The following UBE2Z variants were observed in gnomAD, a reference collection of about 807,000 sequenced individuals.
The protein encoded by UBE2Z is ubiquitin-conjugating enzyme E2 Z.
A neutral mutation model predicts 32.6 loss-of-function variants in UBE2Z; 10 were observed. That is an observed-to-expected ratio of 0.31 (90% CI 0.19 to 0.52). The LOEUF is 0.52. Among genes scored for constraint, UBE2Z ranks in the 20% least tolerant of loss-of-function variants. The probability of loss-of-function intolerance (pLI) is 0.97; values close to 1 mark genes in which losing one functional copy is unlikely to be tolerated. For synonymous variants in UBE2Z, 183 were observed against 190.8 expected, an observed-to-expected ratio of 0.96 and a Z score of 0.34; for missense variants, 343 against 480.9, an observed-to-expected ratio of 0.71 and a Z score of 2.68.
In UBE2Z at chr17:48,908,817, A is replaced by G; in HGVS notation, c.314A>G (p.Lys105Arg). The change falls in exon 1 of 7, where the codon AAG becomes AGG. Residue 105 changes from lysine (K) to arginine (R), a missense_variant. Physicochemically the swap from Lys to Arg is conservative, Grantham distance 26. This residue lies in a region of UBE2Z where 55 missense variants were observed against 56.2 expected (regional missense o/e 0.98). Coordinates refer to ENST00000360943, the MANE Select transcript of UBE2Z (RefSeq NM_023079.5). ...RTAPQCLLRI[K>R]RDIMSIYKEP... ...GCGCCGCAGTGTCTACTCCGGATCA[A>G]GCGGTGAGCCGGGGTTTTTCCTCCC... 6.7e-7 allele frequency: 1 copy of G among 1,496,062 alleles called. No homozygotes were observed. Among genetic ancestry groups the G allele is most frequent in the Non-Finnish European group, 8.9e-7 (1 of 1,127,028 alleles). 92.7% of individuals were successfully genotyped at this position (1,496,062 alleles called of 1,614,324 possible). A position where few individuals can be genotyped will look rare whatever the true frequency, so the allele number is the denominator to read the frequency against.
intron 6 of UBE2Z, among the ~76,000 whole-genome samples, chr17:48,926,474 CTTTTTT>C (rs35895407): frequency 1.0e-4 from 14 of 137,188 alleles, no homozygotes; most frequent in Non-Finnish European, 9.3e-5. Context: ...GTAAGAGTGT[CTTTTTT>C]TTTTTTTTTT....
intron 6 of UBE2Z, among the ~76,000 whole-genome samples, chr17:48,924,916 G>A (rs2040787636): frequency 6.6e-6 from 1 of 150,788 alleles, no homozygotes; most frequent in Admixed American, 6.6e-5. Context: ...GTAAGAGAAT[G>A]AGAATTCTCC....
chr17:48,922,856 G>T lies in UBE2Z; in HGVS notation c.813G>T (p.Met271Ile). 2 of 1,611,550 alleles carry T rather than the reference G, an allele frequency of 1.2e-6. No individual in the cohort carries two copies. The highest frequency in any genetic ancestry group is 1.7e-6 in the Non-Finnish European group (2 of 1,178,164). Reference sequence around the variant, plus strand: ...TCTGCTTGTTTTCCAGAGGGGTGATGGAGAAGTCCTTTCTGGAGTATTACG... The same window carrying T: ...TCTGCTTGTTTTCCAGAGGGGTGATTGAGAAGTCCTTTCTGGAGTATTACG... ...CPCPEPLRGV[M>I]EKSFLEYYDF... is the part of the protein sequence containing the mutation. Residue 271 changes from methionine to isoleucine, a missense_variant, in exon 6 of 7, where the codon ATG becomes ATT. This residue lies in a region of UBE2Z where 182 missense variants were observed against 312.4 expected (regional missense o/e 0.58). Coordinates refer to ENST00000360943, the MANE Select transcript of UBE2Z (RefSeq NM_023079.5).
chr17:48,911,534 T>G (rs2040677316), intron 2 of UBE2Z: 1 of 152,260 alleles, frequency 6.6e-6, no homozygotes, highest in Non-Finnish European at 1.5e-5. Context: ...TAGAAAGAAA[T>G]CATATTTCCT....
rs1216010869 is a variant in UBE2Z at position 48,908,752 on chromosome 17, G to T, written c.249G>T (p.Trp83Cys). The T allele has an allele frequency of 6.7e-7, 1 of 1,497,728 alleles. No individual in the cohort carries two copies. The highest frequency in any genetic ancestry group is 8.9e-7 in the Non-Finnish European group (1 of 1,128,104). 92.8% of individuals were successfully genotyped at this position (1,497,728 alleles called of 1,614,324 possible). ...AAHGAALLSH[W>C]DPTLSSDWDG... is the part of the protein sequence containing the mutation. ...ACGGGGCCGCGCTGCTTAGCCACTG[G>T]GACCCCACGCTCAGCTCCGACTGGG... is the stretch of plus-strand genomic sequence containing the variant. The change falls in exon 1 of 7, where the codon TGG becomes TGT. Residue 83 changes from tryptophan to cysteine, a missense_variant. Physicochemically the swap from Trp to Cys is radical, Grantham distance 215. Transcript: ENST00000360943.
rs368785754 is a variant in UBE2Z, at chr17:48,920,395, C to T, written c.691-765C>T. Among the ~76,000 whole-genome samples, 9 of 152,172 alleles carry T rather than the reference C, an allele frequency of 5.9e-5. No homozygotes were observed. In the East Asian group the frequency reaches 1.7e-3, roughly 30 times the overall value. ...CCTGTAATCCCAGCTACTTGGAAGGCTTGAGACAGGAGAATCGCTTGAACC... is the reference window on the plus strand; with the variant it reads ...CCTGTAATCCCAGCTACTTGGAAGGTTTGAGACAGGAGAATCGCTTGAACC... On this transcript the variant is annotated intron_variant, in intron 4 of 6. Transcript: ENST00000360943.
intron 6 of UBE2Z, among the ~76,000 whole-genome samples, chr17:48,924,559 T>C (rs993291100): frequency 2.0e-5 from 3 of 149,444 alleles, no homozygotes; most frequent in African/African-American, 7.4e-5. Context: ...AAATTGTAGA[T>C]AGACAGCCAG....
intron 5 of UBE2Z, among the ~76,000 whole-genome samples, chr17:48,922,358 G>A (rs770486120): frequency 6.6e-5 from 10 of 151,880 alleles, no homozygotes; most frequent in Admixed American, 3.3e-4. Flanking sequence ...CTGTATTCCA[G>A]CCTGGGCAAA....
intron 4 of UBE2Z, among the ~76,000 whole-genome samples, chr17:48,920,292 C>T (rs1362781966): frequency 1.3e-5 from 2 of 152,014 alleles, no homozygotes; most frequent in African/African-American, 2.4e-5. Context: ...GTCAGGCGTT[C>T]AGGACCAGCC....
chr17:48,919,746 G>A (rs950496081), intron 4 of UBE2Z, among the ~76,000 whole-genome samples: 4 of 152,172 alleles, frequency 2.6e-5, no homozygotes, highest in Non-Finnish European at 4.4e-5. Context: ...CCAAAGTGTC[G>A]GGAGTACAGG....
chr17:48,917,885 G>A lies in UBE2Z; in HGVS notation c.690+1698G>A, dbSNP rs1444070766. On this transcript the variant is annotated intron_variant, in intron 4 of 6. Coordinates refer to ENST00000360943, the MANE Select transcript of UBE2Z (RefSeq NM_023079.5). Reference sequence around the variant, plus strand: ...CTCATGAGCACGGGAAAAAGTTCCAGTGATAGTCCCAAAAGAAAATGATTC... The same window carrying A: ...CTCATGAGCACGGGAAAAAGTTCCAATGATAGTCCCAAAAGAAAATGATTC... Among the ~76,000 whole-genome samples the A allele has an allele frequency of 2.6e-5, 4 of 152,288 alleles. No homozygotes were observed. The East Asian group carries it at 5.8e-4, about 22-fold the overall frequency.
chr17:48,913,138 CTCT>C lies in UBE2Z; in HGVS notation c.578+121_578+123del, dbSNP rs1223284760. The stretch of plus-strand genomic sequence containing the variant: ...CAGAACACAGAAAATGATTGAGTGA[CTCT>C]TCTCAAATCTCCTCAGGATGGTATG... On this transcript the variant is annotated intron_variant, in intron 3 of 6. Transcript: ENST00000360943. 18 of 1,032,786 alleles carry C rather than the reference CTCT, an allele frequency of 1.7e-5. No homozygotes were observed. The African/African-American group carries it at 2.7e-4, about 16-fold the overall frequency. 64.0% of individuals were successfully genotyped at this position (1,032,786 alleles called of 1,614,324 possible).
At position 48,916,258 on chromosome 17, in the gene UBE2Z, G is replaced by GTTTTTTTTTTTTT. The variant is rs371253123; in HGVS notation, c.690+74_690+86dup. ...GTTTGTTTGGTTGGTTGGTTTTTTT[G>GTTTTTTTTTTTTT]TTTTTTTTTTTTTTTGAGACAGAGT... On this transcript the variant is annotated intron_variant, in intron 4 of 6. Transcript: ENST00000360943. 36 of 419,004 alleles carry GTTTTTTTTTTTTT rather than the reference G, an allele frequency of 8.6e-5. 3 individuals carry two copies. The highest frequency in any genetic ancestry group is 1.5e-4 in the South Asian group (3 of 19,550). The allele number at this position is 419,004 out of a possible 1,614,324, so 26.0% of individuals were successfully genotyped here.
chr17:48,927,005 C>T lies in UBE2Z; in HGVS notation c.936C>T (p.Ser312=), dbSNP rs1358383356. The T allele has an allele frequency of 1.2e-6, 2 of 1,613,474 alleles. No individual in the cohort carries two copies. The highest frequency in any genetic ancestry group is 1.7e-5 in the Admixed American group (1 of 59,962). ...GEKRGHFDYQ[S]LLMRLGLIRQ... The stretch of plus-strand genomic sequence containing the variant: ...AGCGGGGCCACTTTGACTACCAGTC[C>T]CTCTTGATGCGCCTGGGACTGATAC... The change falls in exon 7 of 7, where the codon TCC becomes TCT. Residue 312 remains serine (S), a synonymous_variant. Transcript: ENST00000360943.
rs2040673994 is a variant in UBE2Z at position 48,911,138 on chromosome 17, ATTTATAGGGCATTCTTTCACT to A, written c.390+259_390+279del. The stretch of plus-strand genomic sequence containing the variant: ...TCATGTCTGTTGTCGCAGCTTGACT[ATTTATAGGGCATTCTTTCACT>A]CTCAAAAATGCTCCTGTTTGGATAA... On this transcript the variant is annotated intron_variant, in intron 2 of 6. Transcript: ENST00000360943. 3 of 474,296 alleles carry A rather than the reference ATTTATAGGGCATTCTTTCACT, an allele frequency of 6.3e-6. No individual in the cohort carries two copies. In the South Asian group the frequency reaches 8.4e-5, roughly 13 times the overall value. The allele number at this position is 474,296 out of a possible 1,614,324, so 29.4% of individuals were successfully genotyped here. A position where few individuals can be genotyped will look rare whatever the true frequency, so the allele number is the denominator to read the frequency against.
chr17:48,915,420 T>C (rs1351981839), intron 3 of UBE2Z, among the ~76,000 whole-genome samples: 1 of 152,194 alleles, frequency 6.6e-6, no homozygotes, highest in African/African-American at 2.4e-5. Context: ...ACATCCAAGC[T>C]GTCCCCTCCC....
At chr17:48,921,630 TTAAA>T (rs1467228855) in intron 5 of UBE2Z, among the ~76,000 whole-genome samples, 1 of 152,156 alleles carries the variant, frequency 6.6e-6, no homozygotes, top group South Asian at 2.1e-4. Flanking sequence ...AACGTCAGGG[TTAAA>T]TAAATAAACT....
At chr17:48,918,096 C>A (rs1314323214) in intron 4 of UBE2Z, among the ~76,000 whole-genome samples, 2 of 152,116 alleles carry the variant, frequency 1.3e-5, no homozygotes, top group African/African-American at 4.8e-5. Flanking sequence ...ACCACCACAC[C>A]TGGCTAATTT....
intron 6 of UBE2Z, among the ~76,000 whole-genome samples, chr17:48,926,669 C>A (rs1359727313): frequency 2.0e-5 from 3 of 152,070 alleles, no homozygotes; most frequent in Non-Finnish European, 4.4e-5. Flanking sequence ...TTAGTAGAGA[C>A]AGGGTTTCAC....
Sources: allele counts gnomAD v4.1 joint callset (sites outside exome capture counted in the v4.1 genomes callset), GRCh38; gene constraint gnomAD v4.1.1; regional missense constraint gnomAD v4.1.1; transcripts MANE v1.5; gene names NCBI Gene and HGNC (gene_info 2026-07-23, HGNC 2026-07-21).